The following TONSL variants were observed in gnomAD, a reference collection of about 807,000 sequenced individuals.
The protein encoded by TONSL is tonsoku-like protein.
TONSL carries 112 observed loss-of-function variants against 147.1 expected under a neutral mutation model. The observed-to-expected ratio is 0.76, with a 90% CI of 0.65 to 0.89. TONSL has a LOEUF of 0.89. Ranked by LOEUF, TONSL falls within the 40% of genes least tolerant of loss-of-function variation. The pLI, the probability that TONSL is intolerant of heterozygous loss-of-function variation, is 0.00. For synonymous variants in TONSL, 868 were observed against 801.5 expected (o/e 1.08, Z -1.40); for missense variants, 1,883 against 1,864.6 (o/e 1.01, Z -0.18).
intron 19 of TONSL, 41 bp from the exon 20 acceptor site, chr8:144,434,930 C>A: frequency 6.2e-7 from 1 of 1,612,312 alleles, no homozygotes; most frequent in East Asian, 2.2e-5. Flanking sequence ...GCTCCCCCGG[C>A]TCACCTCATC....
Position 144,438,635 on chromosome 8 carries a change from G to T in TONSL, c.1563+18C>A, listed in dbSNP as rs116225577. ...GGGCTGCTGAGCGGGGTGGGTGGGGGCAGGGCACTGTCCTCACCTTGCTCC... is the reference window on the plus strand; with the variant it reads ...GGGCTGCTGAGCGGGGTGGGTGGGGTCAGGGCACTGTCCTCACCTTGCTCC... On this transcript the variant is annotated intron_variant, in intron 12 of 25. Transcript: ENST00000409379. 3 of 1,612,368 alleles carry T rather than the reference G, an allele frequency of 1.9e-6. No individual in the cohort carries two copies. In the African/African-American group the frequency reaches 4.0e-5, roughly 22 times the overall value.
intron 18 of TONSL, 152 bp from the exon 19 acceptor site, chr8:144,435,322 C>CA: frequency 8.0e-7 from 1 of 1,249,788 alleles, no homozygotes; most frequent in Non-Finnish European, 1.1e-6. Flanking sequence ...CCCAGCACAC[C>CA]ACCAGCCCCT....
At chr8:144,430,967 G>T (rs2130836149) in intron 24 of TONSL, 111 bp downstream of exon 24, 1 of 1,264,968 alleles carries the variant, frequency 7.9e-7, no homozygotes, top group Non-Finnish European at 1.1e-6. Flanking sequence ...CCAGGTCTTG[G>T]GATGTGCTGG....
At chr8:144,439,855 C>A in intron 11 of TONSL, 166 bp downstream of exon 11, 13 of 562,226 alleles carry the variant, frequency 2.3e-5, no homozygotes, top group South Asian at 1.7e-4. Flanking sequence ...AGGCTCCCTG[C>A]GGGTCACCAC....
Position 144,440,881 on chromosome 8 carries a change from T to G in TONSL, c.1012-11A>C. 1 of 1,612,626 alleles carries G rather than the reference T, an allele frequency of 6.2e-7. No individual in the cohort carries two copies. Among genetic ancestry groups the G allele is most frequent in the Non-Finnish European group, 8.5e-7 (1 of 1,179,842 alleles). ...CTCAGCAAAACGCAGCTGGGGGCAGTGCCAGTGAGGCCAGGGGCTGCCACC... is the reference window on the plus strand; with the variant it reads ...CTCAGCAAAACGCAGCTGGGGGCAGGGCCAGTGAGGCCAGGGGCTGCCACC... On this transcript the variant is annotated splice_polypyrimidine_tract_variant and intron_variant, in intron 8 of 25. Transcript: ENST00000409379.
In TONSL at chr8:144,441,119, G is replaced by A. The variant is rs779948613; in HGVS notation, c.866-8C>T. The A allele has an allele frequency of 1.2e-6, 2 of 1,612,504 alleles. No individual in the cohort carries two copies. The highest frequency in any genetic ancestry group is 2.2e-5 in the South Asian group (2 of 91,074). On this transcript the variant is annotated splice_polypyrimidine_tract_variant and splice_region_variant and intron_variant, in intron 7 of 25. Transcript: ENST00000409379. ...GCCGGACCACTGCCAGCACTGCCGG[G>A]AAGAGGTTCATGCAGGGGGGCAGCA...
At chr8:144,441,199 C>G in intron 7 of TONSL, 88 bp from the exon 8 acceptor site, 1 of 1,525,182 alleles carries the variant, frequency 6.6e-7, no homozygotes, top group East Asian at 2.4e-5. Flanking sequence ...CTGTGGTGGC[C>G]CCCCCACTCT....
In TONSL at chr8:144,442,743, G is replaced by A. The variant is rs1156612771; in HGVS notation, c.512C>T (p.Thr171Ile). Residue 171 changes from threonine (T) to isoleucine (I), a missense_variant, in exon 5 of 26, where the codon ACC (threonine) becomes ATC (isoleucine). Physicochemically the swap from Thr to Ile is moderately conservative, Grantham distance 89. Coordinates refer to ENST00000409379, the MANE Select transcript of TONSL (RefSeq NM_013432.5). ...RTRLYLNLGL[T>I]FESLQQTALC... Reference sequence around the variant, plus strand: ...GGCTGTCTGCTGCAGGCTCTCAAAGGTGAGGCCCAGGTTGAGATAGAGGCG... The same window carrying A: ...GGCTGTCTGCTGCAGGCTCTCAAAGATGAGGCCCAGGTTGAGATAGAGGCG... 4 of 1,612,970 alleles carry A rather than the reference G, an allele frequency of 2.5e-6. No homozygotes were observed. In the African/African-American group the frequency reaches 4.0e-5, roughly 16 times the overall value.
intron 20 of TONSL, 103 bp downstream of exon 20, chr8:144,434,708 C>T: frequency 7.3e-7 from 1 of 1,366,016 alleles, no homozygotes; most frequent in Admixed American, 2.2e-5. Flanking sequence ...GGAGGTGCAC[C>T]CCAAAACACC....
At position 144,434,069 on chromosome 8, in the gene TONSL, C is replaced by G; in HGVS notation, c.3296G>C (p.Ser1099Thr). Residue 1099 changes from serine (S) to threonine (T), a missense_variant, in exon 21 of 26, where the codon AGC becomes ACC. Transcript: ENST00000409379. Reference protein sequence around the residue: ...ELVAALGTMPSLALLDLSSNH... With the variant: ...ELVAALGTMPTLALLDLSSNH... ...GGAGGAGAGGTCAAGGAGGGCCAGG[C>G]TGGGCATGGTGCCCAGGGCAGCCAC... 6.2e-7 allele frequency: 1 copy of G among 1,612,318 alleles called. No homozygotes were observed. The highest frequency in any genetic ancestry group is 8.5e-7 in the Non-Finnish European group (1 of 1,179,606).
Position 144,433,671 on chromosome 8 carries a change from A to C in TONSL, c.3476T>G (p.Leu1159Arg), listed in dbSNP as rs1823314203. 1.9e-6 allele frequency: 3 copies of C among 1,612,992 alleles called. No individual in the cohort carries two copies. Among genetic ancestry groups the C allele is most frequent in the Non-Finnish European group, 2.5e-6 (3 of 1,179,926 alleles). ...ACACGCCTGCAGGCGCAGGGTGCTG[A>C]GTAAGGGGCAGGCGTGCAGGAGGGA... ...LASLLHACPL[L>R]STLRLQACGF... Residue 1159 changes from leucine (L) to arginine (R), a missense_variant, in exon 22 of 26, where the codon CTC becomes CGC. By Grantham distance (102) the Leu-to-Arg change is moderately radical. Coordinates refer to ENST00000409379, the MANE Select transcript of TONSL (RefSeq NM_013432.5).
rs1823244185 is a variant in TONSL, at chr8:144,432,411, G to A, written c.3609C>T (p.Ala1203=). 2 of 1,588,474 alleles carry A rather than the reference G, an allele frequency of 1.3e-6. No individual in the cohort carries two copies. Among genetic ancestry groups the A allele is most frequent in the South Asian group, 1.1e-5 (1 of 87,758 alleles). Residue 1203 remains alanine (A), a synonymous_variant, in exon 23 of 26, where the codon GCC becomes GCT. Transcript: ENST00000409379. Reference sequence around the variant, plus strand: ...TCTGCAGGGTCCTGGCCAGGGCAGGGGCTCCCAGGGCGTTGTAGGACAGGG... The same window carrying A: ...TCTGCAGGGTCCTGGCCAGGGCAGGAGCTCCCAGGGCGTTGTAGGACAGGG... The part of the protein sequence containing the change: ...TLSLSYNALG[A]PALARTLQSL...
At position 144,435,420 on chromosome 8, in the gene TONSL, C is replaced by T. The variant is rs1823402048; in HGVS notation, c.2852+54G>A. The T allele has an allele frequency of 6.9e-6, 10 of 1,439,834 alleles. No homozygotes were observed. In the East Asian group the frequency reaches 1.5e-4, roughly 22 times the overall value. 89.2% of individuals were successfully genotyped at this position (1,439,834 alleles called of 1,614,324 possible). On this transcript the variant is annotated intron_variant, in intron 18 of 25. Transcript: ENST00000409379. ...CCACCCTGACATGCAAACACGAGCA[C>T]CCTGGCATGGAGCTGCACAGGTGGG...
chr8:144,439,423 G>A (rs1300034299), intron 11 of TONSL, among the ~76,000 whole-genome samples: 2 of 151,556 alleles, frequency 1.3e-5, no homozygotes, highest in Non-Finnish European at 1.5e-5. Flanking sequence ...TTCTAACGAC[G>A]CCCTCGAGTT....
rs1229914897 is a variant in TONSL, at chr8:144,437,024, C to T, written c.1726+3G>A. ...CGCCAGGCTCCTTCTGTCCCTTGCT[C>T]ACCTAGATGCCCGTAGTTGCAGGCC... is the stretch of plus-strand genomic sequence containing the variant. On this transcript the variant is annotated splice_donor_region_variant and intron_variant, in intron 14 of 25. Coordinates refer to ENST00000409379, the MANE Select transcript of TONSL (RefSeq NM_013432.5). 5 of 1,613,154 alleles carry T rather than the reference C, an allele frequency of 3.1e-6. No homozygotes were observed. Among genetic ancestry groups the T allele is most frequent in the Non-Finnish European group, 4.2e-6 (5 of 1,179,954 alleles).
rs1433047394 is a variant in TONSL at position 144,442,766 on chromosome 8, G to T, written c.489C>A (p.Arg163=). 1.2e-6 allele frequency: 2 copies of T among 1,612,882 alleles called. No homozygotes were observed. Among genetic ancestry groups the T allele is most frequent in the Admixed American group, 1.7e-5 (1 of 60,006 alleles). Residue 163 remains arginine, a synonymous_variant, in exon 5 of 26, where the codon CGC becomes CGA. Transcript: ENST00000409379. ...AGGTGAGGCCCAGGTTGAGATAGAG[G>T]CGGGTCCTCATCTCATTCAGCTCTC... The part of the protein sequence containing the change: ...AQGELNEMRT[R]LYLNLGLTFE...
At chr8:144,436,506 G>C (rs1045676880) in intron 16 of TONSL, 52 bp downstream of exon 16, 13 of 1,585,840 alleles carry the variant, frequency 8.2e-6, no homozygotes, top group African/African-American at 1.3e-5. Flanking sequence ...CAGGGCCCGG[G>C]GACTCTCAGC....
rs902006766 is a variant in TONSL at position 144,434,817 on chromosome 8, C to T, written c.3079G>A (p.Gly1027Arg). 6.2e-7 allele frequency: 1 copy of T among 1,613,494 alleles called. No individual in the cohort carries two copies. The change falls in exon 20 of 26, where the codon GGG becomes AGG. Residue 1027 changes from glycine to arginine, a missense_variant. Transcript: ENST00000409379. ...CAGCTCTCCTGGCCCTCACCTTGCC[C>T]CAGGCTCTGGCAGGCCCTGCGGTAG... ...DRYRRACQSLGQGEHQQVLQA... is the reference protein window; with the variant it reads ...DRYRRACQSLRQGEHQQVLQA...
At position 144,429,117 on chromosome 8, in the gene TONSL, G is replaced by A; in HGVS notation, c.*26C>T. 6.7e-7 allele frequency: 1 copy of A among 1,501,696 alleles called. No individual in the cohort carries two copies. 93.0% of individuals were successfully genotyped at this position (1,501,696 alleles called of 1,614,324 possible). A position where few individuals can be genotyped will look rare whatever the true frequency, so the allele number is the denominator to read the frequency against. ...AGCTTCATTTATTAGGGGCTTCGGTGAGGGTGGGGAAAGGCAGCGCCAGGG... is the reference window on the plus strand; with the variant it reads ...AGCTTCATTTATTAGGGGCTTCGGTAAGGGTGGGGAAAGGCAGCGCCAGGG... On this transcript the variant is annotated 3_prime_UTR_variant, in exon 26 of 26. Coordinates refer to ENST00000409379, the MANE Select transcript of TONSL (RefSeq NM_013432.5).
Sources: allele counts gnomAD v4.1 joint callset (sites outside exome capture counted in the v4.1 genomes callset), GRCh38; gene constraint gnomAD v4.1.1; transcripts MANE v1.5; gene names NCBI Gene and HGNC (gene_info 2026-07-23, HGNC 2026-07-21).